TBCK: variants seen among roughly 807,000 people sequenced by gnomAD.
TBCK encodes TBC domain-containing protein kinase-like protein.
A neutral mutation model predicts 113.4 loss-of-function variants in TBCK; 99 were observed. The observed-to-expected ratio is 0.87, with a 90% CI of 0.74 to 1.03. The LOEUF is 1.03. Ranked by LOEUF, TBCK falls within the 50% of genes least tolerant of loss-of-function variation. TBCK has a pLI of 0.00. For missense variants in TBCK, 1,045 were observed against 1,061.3 expected, an observed-to-expected ratio of 0.98 and a Z score of 0.21; for synonymous variants, 369 against 370.8, an observed-to-expected ratio of 1.00 and a Z score of 0.05.
chr4:106,134,564 C>T (rs73836997), intron 23 of TBCK, among the ~76,000 whole-genome samples: 2,654 of 152,244 alleles, frequency 0.017, 75 homozygotes, highest in African/African-American at 0.058. Context: ...GGGGAATTGA[C>T]TTTGTGGAAA....
intron 22 of TBCK, among the ~76,000 whole-genome samples, chr4:106,187,964 T>C (rs1472498347): frequency 6.6e-6 from 1 of 152,176 alleles, no homozygotes; most frequent in African/African-American, 2.4e-5. Flanking sequence ...GCTATGGGGA[T>C]TTCTAGGCAT....
chr4:106,125,893 T>C (rs1298629440), intron 23 of TBCK, among the ~76,000 whole-genome samples: 1 of 152,230 alleles, frequency 6.6e-6, no homozygotes, highest in Admixed American at 6.5e-5. Context: ...TCAAAAGAGC[T>C]AGATTTGAAA....
intron 25 of TBCK, among the ~76,000 whole-genome samples, chr4:106,079,907 G>C (rs1419541964): frequency 1.3e-5 from 2 of 152,156 alleles, no homozygotes; most frequent in South Asian, 2.1e-4. Context: ...ACAACAAAGA[G>C]AGAGGTGCTA....
At chr4:106,275,683 C>T (rs1763949179) in intron 3 of TBCK, among the ~76,000 whole-genome samples, 1 of 152,046 alleles carries the variant, frequency 6.6e-6, no homozygotes, top group Non-Finnish European at 1.5e-5. Flanking sequence ...ATATCAAAAA[C>T]ATAAGCTACT....
At chr4:106,091,305 C>CA (rs769289875) in intron 25 of TBCK, among the ~76,000 whole-genome samples, 16 of 152,180 alleles carry the variant, frequency 1.1e-4, no homozygotes, top group Non-Finnish European at 1.8e-4. Context: ...TGTGAACTAA[C>CA]AGAGTGAGAA....
At chr4:106,097,187 C>T (rs1358676109) in intron 24 of TBCK, among the ~76,000 whole-genome samples, 5 of 152,196 alleles carry the variant, frequency 3.3e-5, no homozygotes, top group Middle Eastern at 6.8e-3. Flanking sequence ...AAATGCTTCA[C>T]AAAATATGAC....
chr4:106,117,771 A>T (rs1157509435), intron 23 of TBCK, among the ~76,000 whole-genome samples: 1 of 152,148 alleles, frequency 6.6e-6, no homozygotes, highest in Non-Finnish European at 1.5e-5. Flanking sequence ...GCACTTTGGG[A>T]GGCTGAAGTG....
chr4:106,079,196 G>T (rs568840738), intron 25 of TBCK, among the ~76,000 whole-genome samples: 1 of 152,110 alleles, frequency 6.6e-6, no homozygotes, highest in Non-Finnish European at 1.5e-5. Context: ...AGGCATTTAG[G>T]ACAAACCCAC....
At chr4:106,121,220 A>G (rs1174315134) in intron 23 of TBCK, among the ~76,000 whole-genome samples, 4 of 151,882 alleles carry the variant, frequency 2.6e-5, no homozygotes, top group Admixed American at 6.6e-5. Context: ...CAGGGGTTGC[A>G]ATCCTAGTCT....
chr4:106,214,949 T>C (rs559513403), intron 19 of TBCK, among the ~76,000 whole-genome samples: 1 of 151,746 alleles, frequency 6.6e-6, no homozygotes, highest in African/African-American at 2.4e-5. Flanking sequence ...GAAAAAATGT[T>C]AAGGGCAGCC....
intron 24 of TBCK, among the ~76,000 whole-genome samples, chr4:106,107,422 G>T (rs959627749): frequency 2.0e-5 from 3 of 151,986 alleles, no homozygotes; most frequent in African/African-American, 4.8e-5. Context: ...AAGAACTGAA[G>T]TCATTCCAAA....
chr4:106,088,043 G>A (rs1382835486), intron 25 of TBCK, among the ~76,000 whole-genome samples: 5 of 152,312 alleles, frequency 3.3e-5, no homozygotes, highest in African/African-American at 1.2e-4. Context: ...ATAGGCATGG[G>A]CAAAGACTTC....
chr4:106,105,501 C>A (rs964050408), intron 24 of TBCK, among the ~76,000 whole-genome samples: 3 of 152,122 alleles, frequency 2.0e-5, no homozygotes, highest in African/African-American at 4.8e-5. Flanking sequence ...GGAGAGGAGC[C>A]CACACTTTCA....
At chr4:106,113,285 T>A (rs1270952216) in intron 24 of TBCK, among the ~76,000 whole-genome samples, 1 of 152,180 alleles carries the variant, frequency 6.6e-6, no homozygotes, top group African/African-American at 2.4e-5. Context: ...ATACTCACTC[T>A]ATCCTTAAAA....
intron 23 of TBCK, among the ~76,000 whole-genome samples, chr4:106,165,136 T>A (rs1294205896): frequency 2.6e-5 from 4 of 151,736 alleles, no homozygotes; most frequent in Non-Finnish European, 5.9e-5. Context: ...AAATAGATTT[T>A]AAAAAATCAA....
At chr4:106,210,017 C>A (rs1318091206) in intron 20 of TBCK, among the ~76,000 whole-genome samples, 1 of 152,064 alleles carries the variant, frequency 6.6e-6, no homozygotes, top group Admixed American at 6.5e-5. Context: ...TTCAGGATTA[C>A]CATTAAATTA....
Position 106,303,955 on chromosome 4 carries a change from A to G in TBCK, c.193+4813T>C, listed in dbSNP as rs747355728. The stretch of plus-strand genomic sequence containing the variant: ...GATGATGCTAGCATTGCCATTTTTT[A>G]TATGTGGGACCCATGAAGGGGCTTG... On this transcript the variant is annotated intron_variant, in intron 2 of 25. Coordinates refer to ENST00000394708, the MANE Select transcript of TBCK (RefSeq NM_001163435.3). 7.2e-5 allele frequency among the ~76,000 whole-genome samples: 11 copies of G among 152,068 alleles called. 1 individual carries two copies. The highest frequency in any genetic ancestry group is 2.1e-4 in the South Asian group (1 of 4,828).
At chr4:106,099,109 C>T (rs1290770732) in intron 24 of TBCK, among the ~76,000 whole-genome samples, 2 of 152,000 alleles carry the variant, frequency 1.3e-5, no homozygotes, top group Non-Finnish European at 2.9e-5. Context: ...ATATGCTGTA[C>T]TTCAATCAAA....
chr4:106,221,135 C>T (rs1182244161), intron 19 of TBCK, among the ~76,000 whole-genome samples: 1 of 152,144 alleles, frequency 6.6e-6, no homozygotes, highest in South Asian at 2.1e-4. Context: ...CACTGTCCTG[C>T]CACCACACCC....
Sources: allele counts gnomAD v4.1 joint callset (sites outside exome capture counted in the v4.1 genomes callset), GRCh38; gene constraint gnomAD v4.1.1; transcripts MANE v1.5; gene names NCBI Gene and HGNC (gene_info 2026-07-23, HGNC 2026-07-21).